Variants in GALNT8 observed in about 807,000 individuals in gnomAD.
GALNT8 encodes probable polypeptide N-acetylgalactosaminyltransferase 8.
A neutral mutation model predicts 62.7 loss-of-function variants in GALNT8; 66 were observed. The observed-to-expected ratio is 1.05, with a 90% CI of 0.86 to 1.29. GALNT8 has a LOEUF of 1.29. Ranked by LOEUF, GALNT8 falls within the 50% of genes most tolerant of loss-of-function variation. The probability of loss-of-function intolerance (pLI) is 0.00; values close to 1 mark genes in which losing one functional copy is unlikely to be tolerated. For synonymous variants in GALNT8, 288 were observed against 294.3 expected, an observed-to-expected ratio of 0.98 and a Z score of 0.22; for missense variants, 771 against 791.8, an observed-to-expected ratio of 0.97 and a Z score of 0.32.
intron 2 of GALNT8, among the ~76,000 whole-genome samples, chr12:4,730,557 T>C (rs1233394054): frequency 6.6e-6 from 1 of 152,208 alleles, no homozygotes; most frequent in Admixed American, 6.5e-5. Context: ...CTATATTCTG[T>C]TCCACTACTC....
At chr12:4,748,582 G>T (rs962260926) in intron 6 of GALNT8, among the ~76,000 whole-genome samples, 2 of 151,956 alleles carry the variant, frequency 1.3e-5, no homozygotes, top group African/African-American at 4.8e-5. Context: ...TGGTCTATGT[G>T]TCTGTTTTTA....
In GALNT8 at chr12:4,744,566, G is replaced by C. The variant is rs749493830; in HGVS notation, c.726G>C (p.Lys242Asn). The C allele has an allele frequency of 1.5e-5, 24 of 1,612,912 alleles. No homozygotes were observed. In the African/African-American group the frequency reaches 3.2e-4, roughly 22 times the overall value. ...AGAAGATTAAGCTTTACAACCAGAAGTATCCAGGACTACTGAAAATAATAC... is the reference window on the plus strand; with the variant it reads ...AGAAGATTAAGCTTTACAACCAGAACTATCCAGGACTACTGAAAATAATAC... ...LDEKIKLYNQ[K>N]YPGLLKIIRH... The change falls in exon 4 of 11, where the codon AAG (lysine) becomes AAC (asparagine). Residue 242 changes from lysine to asparagine, a missense_variant. Transcript: ENST00000252318.
chr12:4,743,714 A>G (rs1342138851), intron 3 of GALNT8, among the ~76,000 whole-genome samples: 1 of 152,204 alleles, frequency 6.6e-6, no homozygotes, highest in East Asian at 1.9e-4. Flanking sequence ...CAGTTTCTTT[A>G]TCTGTAAAGT....
At chr12:4,735,527 G>A (rs926746934) in intron 2 of GALNT8, among the ~76,000 whole-genome samples, 3 of 152,180 alleles carry the variant, frequency 2.0e-5, no homozygotes, top group Admixed American at 6.5e-5. Context: ...CCTCCACTAG[G>A]AATGCAAAAG....
intron 3 of GALNT8, among the ~76,000 whole-genome samples, chr12:4,741,121 C>T (rs1946270329): frequency 6.6e-6 from 1 of 152,140 alleles, no homozygotes; most frequent in African/African-American, 2.4e-5. Context: ...AGAATATGTT[C>T]CTTCTCTGAG....
chr12:4,756,858 T>C (rs1946347159), intron 6 of GALNT8, among the ~76,000 whole-genome samples: 1 of 152,154 alleles, frequency 6.6e-6, no homozygotes, highest in Non-Finnish European at 1.5e-5. Flanking sequence ...TTTTGGATGG[T>C]GGTTGATGTG....
intron 10 of GALNT8, among the ~76,000 whole-genome samples, chr12:4,769,869 A>G (rs1378592200): frequency 6.6e-6 from 1 of 152,098 alleles, no homozygotes; most frequent in African/African-American, 2.4e-5. Flanking sequence ...AGCCCTGACC[A>G]TTTATTTTAA....
At chr12:4,756,579 C>T (rs1395610602) in intron 6 of GALNT8, among the ~76,000 whole-genome samples, 2 of 151,984 alleles carry the variant, frequency 1.3e-5, no homozygotes, top group Non-Finnish European at 2.9e-5. Flanking sequence ...CTTTTTTCCC[C>T]CTCCAAGCCC....
chr12:4,744,834 A>G, intron 4 of GALNT8, 134 bp downstream of exon 4: 1 of 600,154 alleles, frequency 1.7e-6, no homozygotes, highest in Non-Finnish European at 2.8e-6. Flanking sequence ...TCTCCAAAAC[A>G]GCATGCTTTT....
intron 6 of GALNT8, among the ~76,000 whole-genome samples, chr12:4,758,606 C>G (rs1049134333): frequency 1.8e-5 from 2 of 113,576 alleles, no homozygotes; most frequent in Non-Finnish European, 3.5e-5. Context: ...CTTAATGTCT[C>G]TGTGTGTGTG....
chr12:4,731,913 C>T (rs1452393734), intron 2 of GALNT8, among the ~76,000 whole-genome samples: 1 of 151,936 alleles, frequency 6.6e-6, no homozygotes, highest in East Asian at 1.9e-4. Flanking sequence ...TTGCAGAGCC[C>T]AGTGCAAAAT....
intron 2 of GALNT8, among the ~76,000 whole-genome samples, chr12:4,734,341 A>T (rs1946234919): frequency 6.6e-6 from 1 of 152,142 alleles, no homozygotes; most frequent in Non-Finnish European, 1.5e-5. Flanking sequence ...ATCACTTGGG[A>T]GCCTGGAAGA....
intron 10 of GALNT8, among the ~76,000 whole-genome samples, chr12:4,770,027 G>A (rs938969379): frequency 2.6e-5 from 4 of 152,154 alleles, no homozygotes; most frequent in Admixed American, 1.3e-4. Flanking sequence ...GGCCGGGCAC[G>A]GTGGCTCACG....
chr12:4,771,077 G>A (rs764330886), intron 10 of GALNT8, among the ~76,000 whole-genome samples: 4 of 152,084 alleles, frequency 2.6e-5, no homozygotes, highest in Non-Finnish European at 2.9e-5. Flanking sequence ...TGCAGGGGAC[G>A]GGAAGATTGA....
At chr12:4,767,380 A>C (rs1037346396) in intron 10 of GALNT8, among the ~76,000 whole-genome samples, 2 of 152,214 alleles carry the variant, frequency 1.3e-5, no homozygotes, top group Admixed American at 1.3e-4. Context: ...GGCACTCAAC[A>C]AATGGTTGCA....
chr12:4,747,692 C>G (rs1032676369), intron 6 of GALNT8, among the ~76,000 whole-genome samples: 2 of 152,158 alleles, frequency 1.3e-5, no homozygotes, highest in Non-Finnish European at 2.9e-5. Context: ...GTGCAGATAT[C>G]TCTTTGATTT....
chr12:4,736,557 G>A (rs1860347), intron 2 of GALNT8, among the ~76,000 whole-genome samples: 119,995 of 151,040 alleles, frequency 0.79, 48,050 homozygotes, highest in Non-Finnish European at 0.82. Context: ...AGCAACCCCT[G>A]GGTAGCCAGG....
intron 6 of GALNT8, among the ~76,000 whole-genome samples, chr12:4,746,981 C>T (rs1946302751): frequency 6.6e-6 from 1 of 152,246 alleles, no homozygotes; most frequent in Non-Finnish European, 1.5e-5. Context: ...ATACTGGCTT[C>T]ACACTTAAGC....
intron 2 of GALNT8, among the ~76,000 whole-genome samples, chr12:4,728,227 T>A (rs538040761): frequency 2.7e-5 from 4 of 150,476 alleles, no homozygotes; most frequent in African/African-American, 7.3e-5. Flanking sequence ...TTTTTTTTTA[T>A]TATTGAGTTG....
Sources: gnomAD v4.1 joint callset for allele counts (sites outside exome capture counted in the v4.1 genomes callset) on GRCh38, gnomAD v4.1.1 for gene constraint, MANE v1.5 for transcripts, NCBI Gene and HGNC (gene_info 2026-07-23, HGNC 2026-07-21) for gene names.